The following BAZ1A variants were observed in gnomAD, a reference collection of about 807,000 sequenced individuals.
BAZ1A encodes bromodomain adjacent to zinc finger domain protein 1A.
BAZ1A carries 50 observed loss-of-function variants against 185.2 expected under a neutral mutation model. The ratio of observed to expected loss-of-function variants is 0.27; its 90% CI spans 0.22 to 0.34. BAZ1A has a LOEUF of 0.34. Among genes scored for constraint, BAZ1A ranks in the 10% least tolerant of loss-of-function variants. The pLI is 1.00. For synonymous variants in BAZ1A, 571 were observed against 615.6 expected, an observed-to-expected ratio of 0.93 and a Z score of 1.07; for missense variants, 1,356 against 1,839.9, an observed-to-expected ratio of 0.74 and a Z score of 4.81.
intron 7 of BAZ1A, among the ~76,000 whole-genome samples, 174 bp from the exon 8 acceptor site, chr14:34,801,367 C>T (rs932374937): frequency 6.6e-6 from 1 of 152,128 alleles, no homozygotes; most frequent in Non-Finnish European, 1.5e-5. Context: ...TCTCGGCTCA[C>T]TGCAACCTCT....
chr14:34,814,875 G>A (rs1416126330), intron 4 of BAZ1A, among the ~76,000 whole-genome samples: 1 of 151,862 alleles, frequency 6.6e-6, no homozygotes, highest in Non-Finnish European at 1.5e-5. Context: ...CTGGGTTCAA[G>A]AGATTCTCCT....
chr14:34,796,059 G>A (rs973649454), intron 9 of BAZ1A, among the ~76,000 whole-genome samples: 1 of 152,004 alleles, frequency 6.6e-6, no homozygotes, highest in Non-Finnish European at 1.5e-5. Context: ...CAGCACTTTG[G>A]GAGTCAGAGT....
chr14:34,785,777 C>T lies in BAZ1A; in HGVS notation c.1831G>A (p.Gly611Arg). ...GCAAATTCCAACTTGCAAAGCTTAC[C>T]TGGTGTCAAATCATACACTGAGGTG... ...SSTSVYDLTP[G>R]EKMKILHALC... The change falls in exon 14 of 27, where the codon GGA (glycine) becomes AGA (arginine). Residue 611 changes from glycine to arginine, a missense_variant and splice_region_variant. By Grantham distance (125) the Gly-to-Arg change is moderately radical. This residue lies in a region of BAZ1A where 184 missense variants were observed against 355.1 expected (regional missense o/e 0.52). Transcript: ENST00000360310. 6.2e-7 allele frequency: 1 copy of T among 1,613,498 alleles called. No individual in the cohort carries two copies. The highest frequency in any genetic ancestry group is 8.5e-7 in the Non-Finnish European group (1 of 1,179,852).
At chr14:34,791,650 C>T (rs1880854094) in intron 12 of BAZ1A, among the ~76,000 whole-genome samples, 1 of 152,140 alleles carries the variant, frequency 6.6e-6, no homozygotes, top group South Asian at 2.1e-4. Flanking sequence ...AGGAATGTCC[C>T]ATCTTTCTGT....
intron 2 of BAZ1A, among the ~76,000 whole-genome samples, chr14:34,871,396 A>G (rs1017775728): frequency 6.6e-6 from 1 of 152,224 alleles, no homozygotes; most frequent in Admixed American, 6.5e-5. Flanking sequence ...TATGCACCTT[A>G]GCTTACGCAT....
intron 3 of BAZ1A, among the ~76,000 whole-genome samples, chr14:34,858,892 T>C (rs1030902285): frequency 5.9e-5 from 9 of 151,910 alleles, no homozygotes; most frequent in African/African-American, 2.2e-4. Context: ...GGAAATAAAT[T>C]CCAGACAAAG....
chr14:34,805,377 CTT>C (rs1881800575), intron 6 of BAZ1A, among the ~76,000 whole-genome samples: 1 of 152,294 alleles, frequency 6.6e-6, no homozygotes, highest in East Asian at 1.9e-4. Context: ...TGTTCATTGA[CTT>C]TTTCCTTGGT....
At chr14:34,837,407 A>ATTTTTT (rs11378657) in intron 3 of BAZ1A, among the ~76,000 whole-genome samples, 1 of 145,884 alleles carries the variant, frequency 6.9e-6, no homozygotes, top group African/African-American at 2.5e-5. Flanking sequence ...ACCCCAGCTA[A>ATTTTTT]TTTTTTTTTT....
At chr14:34,781,527 CTTTTT>C (rs35183747) in intron 16 of BAZ1A, among the ~76,000 whole-genome samples, 1 of 141,528 alleles carries the variant, frequency 7.1e-6, no homozygotes, top group Non-Finnish European at 1.6e-5. Flanking sequence ...TCACTAGCTG[CTTTTT>C]TTTTTTTTTT....
intron 2 of BAZ1A, among the ~76,000 whole-genome samples, chr14:34,863,515 C>T (rs907499495): frequency 1.3e-5 from 2 of 151,574 alleles, no homozygotes; most frequent in African/African-American, 4.8e-5. Flanking sequence ...CTCATGTTGG[C>T]CAGGCTGGTC....
At position 34,874,656 on chromosome 14, in the gene BAZ1A, C is replaced by G. The variant is rs745792888; in HGVS notation, c.-52G>C. On this transcript the variant is annotated 5_prime_UTR_variant, in exon 2 of 27. Coordinates refer to ENST00000360310, the MANE Select transcript of BAZ1A (RefSeq NM_013448.3). The surrounding 1 kb of genome is among the most constrained non-coding windows in gnomAD (Gnocchi z 4.7). ...GACCCTCGGCCGCCCGCGCCGGCCC[C>G]GCTTCCCTATCAAAATTGGAGGGAA... 6.8e-7 allele frequency: 1 copy of G among 1,480,392 alleles called. No individual in the cohort carries two copies. The highest frequency in any genetic ancestry group is 1.2e-5 in the South Asian group (1 of 85,084). The allele number at this position is 1,480,392 out of a possible 1,614,324, so 91.7% of individuals were successfully genotyped here. A position where few individuals can be genotyped will look rare whatever the true frequency, so the allele number is the denominator to read the frequency against.
chr14:34,852,223 T>G (rs2042609038), intron 3 of BAZ1A, among the ~76,000 whole-genome samples: 1 of 152,194 alleles, frequency 6.6e-6, no homozygotes, highest in South Asian at 2.1e-4. Flanking sequence ...TTGTTAACTT[T>G]TGGAGTTTCC....
chr14:34,867,262 C>CA (rs1364434701), intron 2 of BAZ1A, among the ~76,000 whole-genome samples: 2 of 149,464 alleles, frequency 1.3e-5, no homozygotes, highest in South Asian at 2.1e-4. Context: ...CTGTCTCAAA[C>CA]AAAAAAAAGA....
At chr14:34,755,701 A>G (rs564972918) in intron 25 of BAZ1A, among the ~76,000 whole-genome samples, 1 of 151,594 alleles carries the variant, frequency 6.6e-6, no homozygotes, top group Admixed American at 6.6e-5. Context: ...ACTTTGTTCT[A>G]TCTTTGCTAT....
chr14:34,826,247 T>C, intron 3 of BAZ1A, 91 bp from the exon 4 acceptor site: 1 of 1,393,402 alleles, frequency 7.2e-7, no homozygotes, highest in Non-Finnish European at 9.7e-7. Context: ...GAACTAGTTA[T>C]TTTGTTTTGC....
At chr14:34,838,762 T>A (rs925322509) in intron 3 of BAZ1A, among the ~76,000 whole-genome samples, 3 of 152,048 alleles carry the variant, frequency 2.0e-5, no homozygotes, top group Admixed American at 1.3e-4. Flanking sequence ...TGACCTCAGG[T>A]GACCCACCCA....
chr14:34,780,468 C>G (rs980223019), intron 16 of BAZ1A, among the ~76,000 whole-genome samples, 158 bp from the exon 17 acceptor site: 5 of 152,104 alleles, frequency 3.3e-5, no homozygotes, highest in Non-Finnish European at 7.4e-5. Flanking sequence ...GATAATTACA[C>G]AAATCATTTA....
intron 15 of BAZ1A, 91 bp from the exon 16 acceptor site, chr14:34,783,323 C>A: frequency 8.7e-6 from 6 of 690,970 alleles, no homozygotes; most frequent in Non-Finnish European, 1.2e-5. Context: ...ATGGAAAGTA[C>A]TTCAAACATT....
chr14:34,872,026 A>G (rs1360622943), intron 2 of BAZ1A, among the ~76,000 whole-genome samples: 1 of 152,230 alleles, frequency 6.6e-6, no homozygotes, highest in Non-Finnish European at 1.5e-5. Context: ...AAAGTAATTC[A>G]AAATGTAACA....
Sources: gnomAD v4.1 joint callset for allele counts (sites outside exome capture counted in the v4.1 genomes callset) on GRCh38, gnomAD v4.1.1 for gene constraint, gnomAD v4.1.1 regional missense constraint, Gnocchi (gnomAD v3.1) non-coding constraint, MANE v1.5 for transcripts, NCBI Gene and HGNC (gene_info 2026-07-23, HGNC 2026-07-21) for gene names.